Variants in C1QTNF1 observed in about 807,000 individuals in gnomAD.
C1QTNF1 encodes complement C1q tumor necrosis factor-related protein 1.
A neutral mutation model predicts 27.8 loss-of-function variants in C1QTNF1; 22 were observed. That is an observed-to-expected ratio of 0.79 (90% CI 0.56 to 1.13). The LOEUF (loss-of-function observed/expected upper bound fraction) is 1.13. Among genes scored for constraint, C1QTNF1 ranks in the 50% most tolerant of loss-of-function variants. The pLI, the probability that C1QTNF1 is intolerant of heterozygous loss-of-function variation, is 0.00. For synonymous variants in C1QTNF1, 166 were observed against 154.3 expected (o/e 1.08, Z -0.56); for missense variants, 373 against 380.2 (o/e 0.98, Z 0.16).
intron 1 of C1QTNF1, among the ~76,000 whole-genome samples, chr17:79,030,504 T>A (rs1336181982): frequency 1.4e-5 from 2 of 146,816 alleles, no homozygotes; most frequent in African/African-American, 5.0e-5. Flanking sequence ...TTTCTTTCTT[T>A]CTTTCTTTCT....
At chr17:79,030,282 TG>T (rs2072088191) in intron 1 of C1QTNF1, among the ~76,000 whole-genome samples, 1 of 152,006 alleles carries the variant, frequency 6.6e-6, no homozygotes, top group African/African-American at 2.4e-5. Context: ...TAATTGCTGT[TG>T]GCAGCCTGGT....
At chr17:79,047,416 C>CT (rs2072612791) in intron 3 of C1QTNF1, 122 bp from the exon 4 acceptor site, 1 of 1,002,216 alleles carries the variant, frequency 1.0e-6, no homozygotes, top group African/African-American at 1.6e-5. Flanking sequence ...AGTGAAGCTT[C>CT]TGCCAGGTCA....
rs529090705 is a variant in C1QTNF1 at position 79,038,559 on chromosome 17, T to C, written c.-14-5396T>C. ...ATTTGCAGGATTTGGGAAAGGCAAGTAAAGAGCTTGAGTCATGCTGGAACT... is the reference window on the plus strand; with the variant it reads ...ATTTGCAGGATTTGGGAAAGGCAAGCAAAGAGCTTGAGTCATGCTGGAACT... On this transcript the variant is annotated intron_variant, in intron 1 of 3. Transcript: ENST00000579760. 1.9e-4 allele frequency among the ~76,000 whole-genome samples: 29 copies of C among 152,256 alleles called. No individual in the cohort carries two copies. In the South Asian group the frequency reaches 5.8e-3, roughly 30 times the overall value.
rs147754695 is a variant in C1QTNF1 at position 79,046,845 on chromosome 17, G to A, written c.295+151G>A. ...GGCAGGCAGGCTGTCATCTAGAGGG[G>A]AAGGCACAGGAAATTCTGATTTTGA... On this transcript the variant is annotated intron_variant, in intron 3 of 3. Coordinates refer to ENST00000579760, the MANE Select transcript of C1QTNF1 (RefSeq NM_030968.5). The surrounding 1 kb of genome is among the most constrained non-coding windows in gnomAD (Gnocchi z 4.8). The A allele has an allele frequency of 0.014, 13,785 of 1,013,344 alleles. 154 individuals carry two copies. The highest frequency in any genetic ancestry group is 0.015 in the Non-Finnish European group (10,653 of 709,870). The allele number at this position is 1,013,344 out of a possible 1,614,324, so 62.8% of individuals were successfully genotyped here.
chr17:79,037,666 A>C (rs2072295222), intron 1 of C1QTNF1, among the ~76,000 whole-genome samples: 1 of 152,072 alleles, frequency 6.6e-6, no homozygotes, highest in Admixed American at 6.5e-5. Context: ...TGGAGGGATA[A>C]AAATTATTAT....
rs779288561 is a variant in C1QTNF1 at position 79,046,592 on chromosome 17, G to C, written c.193G>C (p.Asp65His). The C allele has an allele frequency of 4.3e-6, 7 of 1,614,130 alleles. No homozygotes were observed. In the East Asian group the frequency reaches 8.9e-5, roughly 21 times the overall value. ...EQHEKYRPSQ[D>H]QGLPASRCLR... ...ACATGAAAAATACAGGCCCAGTCAG[G>C]ACCAGGGGCTCCCTGCTTCCCGGTG... Residue 65 changes from aspartate (D) to histidine (H), a missense_variant, in exon 3 of 4, where the codon GAC becomes CAC. By Grantham distance (81) the Asp-to-His change is moderately conservative (BLOSUM62 -1). Coordinates refer to ENST00000579760, the MANE Select transcript of C1QTNF1 (RefSeq NM_030968.5). This position sits in a 1 kb window ranked among gnomAD's most constrained non-coding sequence, Gnocchi z 4.8.
chr17:79,042,932 G>A (rs2072452307), intron 1 of C1QTNF1, among the ~76,000 whole-genome samples: 2 of 152,218 alleles, frequency 1.3e-5, no homozygotes, highest in South Asian at 4.1e-4. Context: ...GAGTGTGCAT[G>A]TGATGTGGGT....
At chr17:79,027,892 G>A (rs1173055437) in intron 1 of C1QTNF1, among the ~76,000 whole-genome samples, 4 of 152,206 alleles carry the variant, frequency 2.6e-5, no homozygotes, top group Non-Finnish European at 4.4e-5. Flanking sequence ...GCAGGGGCAC[G>A]GGGACCCCCA....
At chr17:79,040,001 G>A (rs11867553) in intron 1 of C1QTNF1, among the ~76,000 whole-genome samples, 25,653 of 151,988 alleles carry the variant, frequency 0.17, 3,082 homozygotes, top group African/African-American at 0.34. Context: ...ATACAGAAAT[G>A]GAGAAATAAA....
At chr17:79,043,714 TGTGA>T (rs1568069479) in intron 1 of C1QTNF1, 10 of 621,772 alleles carry the variant, frequency 1.6e-5, no homozygotes, top group Middle Eastern at 2.5e-4. Flanking sequence ...GTTGCATGTA[TGTGA>T]ATGTGTGTGC....
At chr17:79,029,944 C>A (rs769479677) in intron 1 of C1QTNF1, among the ~76,000 whole-genome samples, 2 of 152,204 alleles carry the variant, frequency 1.3e-5, no homozygotes, top group African/African-American at 2.4e-5. Flanking sequence ...GTAGTAGACA[C>A]TCAATAAACA....
At chr17:79,041,651 G>GGT (rs2072412334) in intron 1 of C1QTNF1, 1 of 152,062 alleles carries the variant, frequency 6.6e-6, no homozygotes, top group African/African-American at 2.4e-5. Context: ...GGTGGCGCAT[G>GGT]CTTGTAATCC....
In C1QTNF1 at chr17:79,046,067, C is replaced by A. The variant is rs2072563796; in HGVS notation, c.156-488C>A. 6.6e-6 allele frequency among the ~76,000 whole-genome samples: 1 copy of A among 152,190 alleles called. No homozygotes were observed. Among genetic ancestry groups the A allele is most frequent in the Non-Finnish European group, 1.5e-5 (1 of 68,032 alleles). ...GGTGGCAGCCAGGAGCCGCCGCCGT[C>A]CATCCTGCCTGCGGGCTTGTCCTTC... On this transcript the variant is annotated intron_variant, in intron 2 of 3. Coordinates refer to ENST00000579760, the MANE Select transcript of C1QTNF1 (RefSeq NM_030968.5). This position sits in a 1 kb window ranked among gnomAD's most constrained non-coding sequence, Gnocchi z 4.8.
intron 1 of C1QTNF1, among the ~76,000 whole-genome samples, chr17:79,028,585 A>T (rs1166333577): frequency 6.6e-6 from 1 of 152,222 alleles, no homozygotes; most frequent in Non-Finnish European, 1.5e-5. Context: ...GTCCTCTGGC[A>T]TTCAGGGGAG....
rs533347184 is a variant in C1QTNF1, at chr17:79,043,978, C to T, written c.10C>T (p.Arg4Cys). 1.2e-5 allele frequency: 19 copies of T among 1,614,102 alleles called. No individual in the cohort carries two copies. The highest frequency in any genetic ancestry group is 1.6e-4 in the Middle Eastern group (1 of 6,062). ...AGGGCCCGGCAGGAAGATGGGCTCCCGTGGACAGGGACTCTTGCTGGCGTA... is the reference window on the plus strand; with the variant it reads ...AGGGCCCGGCAGGAAGATGGGCTCCTGTGGACAGGGACTCTTGCTGGCGTA... MGS[R>C]GQGLLLAYCL... The change falls in exon 2 of 4, where the codon CGT becomes TGT. Residue 4 changes from arginine to cysteine, a missense_variant. By Grantham distance (180) the Arg-to-Cys change is radical. Transcript: ENST00000579760.
intron 3 of C1QTNF1, 88 bp from the exon 4 acceptor site, chr17:79,047,450 A>G (rs916857261): frequency 7.5e-7 from 1 of 1,326,924 alleles, no homozygotes; most frequent in Non-Finnish European, 1.0e-6. Context: ...GAATCAGGAC[A>G]GCGCCAGGGA....
chr17:79,027,590 C>T (rs868680925), intron 1 of C1QTNF1: 1 of 152,348 alleles, frequency 6.6e-6, no homozygotes, highest in African/African-American at 2.4e-5. Flanking sequence ...ATGCTCACTC[C>T]TTTCCTCCTT....
intron 1 of C1QTNF1, among the ~76,000 whole-genome samples, chr17:79,033,068 CAAAAAAAA>C (rs58305899): frequency 2.5e-5 from 2 of 79,332 alleles, no homozygotes; most frequent in South Asian, 4.4e-4. Context: ...AACTCTGTCT[CAAAAAAAA>C]AAAAAAAAAA....
At chr17:79,040,875 TCACA>T (rs1239729968) in intron 1 of C1QTNF1, among the ~76,000 whole-genome samples, 2 of 151,518 alleles carry the variant, frequency 1.3e-5, no homozygotes, top group African/African-American at 2.4e-5. Context: ...CTGCACTCAC[TCACA>T]GAGTGAGATC....
Sources: allele counts gnomAD v4.1 joint callset (sites outside exome capture counted in the v4.1 genomes callset), GRCh38; gene constraint gnomAD v4.1.1; non-coding constraint Gnocchi (gnomAD v3.1); transcripts MANE v1.5; gene names NCBI Gene and HGNC (gene_info 2026-07-23, HGNC 2026-07-21).